The following GPR158 variants were observed in gnomAD, a reference collection of about 807,000 sequenced individuals.
GPR158 encodes metabotropic glycine receptor.
GPR158 carries 30 observed loss-of-function variants against 78.2 expected under a neutral mutation model. The observed-to-expected ratio is 0.38, with a 90% CI of 0.29 to 0.52. The LOEUF is 0.52. GPR158 is among the 20% of genes least tolerant of loss of function. The pLI is 0.83. For missense variants in GPR158, 1,463 were observed against 1,523.5 expected (o/e 0.96, Z 0.66); for synonymous variants, 581 against 591.1 (o/e 0.98, Z 0.25).
chr10:25,409,828 A>G (rs1242979020), intron 3 of GPR158, among the ~76,000 whole-genome samples: 1 of 152,174 alleles, frequency 6.6e-6, no homozygotes, highest in African/African-American at 2.4e-5. Context: ...GCTTTTTAAA[A>G]ATATCATAAT....
chr10:25,317,724 TTG>T (rs1299384243), intron 2 of GPR158, among the ~76,000 whole-genome samples: 1,720 of 140,536 alleles, frequency 0.012, 95 homozygotes, highest in African/African-American at 0.048. Context: ...GTGTTTTTTT[TTG>T]TTTTGTTTTG....
intron 2 of GPR158, among the ~76,000 whole-genome samples, chr10:25,318,827 A>T (rs1854902585): frequency 2.6e-5 from 4 of 152,210 alleles, no homozygotes; most frequent in Non-Finnish European, 1.5e-5. Context: ...AATCAGGTGC[A>T]GTTACTGTAA....
At chr10:25,521,478 G>C (rs930515130) in intron 5 of GPR158, among the ~76,000 whole-genome samples, 1 of 152,094 alleles carries the variant, frequency 6.6e-6, no homozygotes, top group Non-Finnish European at 1.5e-5. Flanking sequence ...ACCTTTGTCT[G>C]GTGCCTCCTT....
intron 2 of GPR158, among the ~76,000 whole-genome samples, chr10:25,241,877 C>A (rs1853633391): frequency 6.6e-6 from 1 of 152,202 alleles, no homozygotes; most frequent in Admixed American, 6.5e-5. Flanking sequence ...ACACTTTAAA[C>A]ACACTTTTCT....
At chr10:25,475,895 A>G (rs765611127) in intron 5 of GPR158, 14 of 152,116 alleles carry the variant, frequency 9.2e-5, no homozygotes, top group African/African-American at 1.7e-4. Context: ...GAGTTATGCA[A>G]TGAGCCTTTT....
chr10:25,374,965 C>G (rs1319644349), intron 2 of GPR158, among the ~76,000 whole-genome samples: 2 of 151,650 alleles, frequency 1.3e-5, no homozygotes, highest in Non-Finnish European at 3.0e-5. Flanking sequence ...TAAGCAATTT[C>G]CAAAGCATTT....
At chr10:25,249,371 G>T (rs1012243522) in intron 2 of GPR158, among the ~76,000 whole-genome samples, 1 of 152,146 alleles carries the variant, frequency 6.6e-6, no homozygotes, top group Non-Finnish European at 1.5e-5. Context: ...GGTGAGGGAG[G>T]GCATCCCTGT....
chr10:25,390,035 G>A (rs11014521), intron 2 of GPR158, among the ~76,000 whole-genome samples: 27 of 152,208 alleles, frequency 1.8e-4, no homozygotes, highest in African/African-American at 5.8e-4. Flanking sequence ...GTTCCTCTTC[G>A]CATGCTCTCT....
At chr10:25,464,447 C>T (rs529150811) in intron 4 of GPR158, among the ~76,000 whole-genome samples, 1 of 152,308 alleles carries the variant, frequency 6.6e-6, no homozygotes, top group South Asian at 2.1e-4. Flanking sequence ...TTTTCAAATT[C>T]ATCATCCTGG....
intron 7 of GPR158, among the ~76,000 whole-genome samples, chr10:25,587,814 C>T (rs1392674203): frequency 1.3e-5 from 2 of 152,184 alleles, no homozygotes; most frequent in South Asian, 2.1e-4. Flanking sequence ...GCCCTACCTA[C>T]CATTTAAATG....
rs11393897 is a variant in GPR158 at position 25,379,647 on chromosome 10, C to CTTTTTTT, written c.1009-16252_1009-16246dup. Among the ~76,000 whole-genome samples the CTTTTTTT allele has an allele frequency of 5.0e-4, 53 of 106,986 alleles. 2 individuals are homozygous for CTTTTTTT. The highest frequency in any genetic ancestry group is 1.2e-3 in the East Asian group (4 of 3,392). The allele number at this position is 106,986 out of a possible 152,430, so 70.2% of individuals were successfully genotyped here. A position where few individuals can be genotyped will look rare whatever the true frequency, so the allele number is the denominator to read the frequency against. On this transcript the variant is annotated intron_variant, in intron 2 of 10. Coordinates refer to ENST00000376351, the MANE Select transcript of GPR158 (RefSeq NM_020752.3). ...TTCAACAAATTTTTTTGAGGATTAG[C>CTTTTTTT]TTTTTTTTTTTTTTTTTTCTGTACT...
intron 2 of GPR158, among the ~76,000 whole-genome samples, chr10:25,262,710 A>G (rs139892541): frequency 3.3e-5 from 5 of 152,292 alleles, no homozygotes; most frequent in South Asian, 4.1e-4. Flanking sequence ...AATCAAACCT[A>G]TGTTGATACA....
chr10:25,247,711 A>G (rs1853717599), intron 2 of GPR158, among the ~76,000 whole-genome samples: 1 of 151,676 alleles, frequency 6.6e-6, no homozygotes, highest in African/African-American at 2.4e-5. Flanking sequence ...AATCCAGTCT[A>G]TTATTGTTGG....
chr10:25,422,104 C>A (rs1834759808), intron 4 of GPR158, among the ~76,000 whole-genome samples: 1 of 152,180 alleles, frequency 6.6e-6, no homozygotes, highest in African/African-American at 2.4e-5. Context: ...ACCATTCACC[C>A]ACCACCGACT....
chr10:25,188,575 G>A (rs1477463063), intron 1 of GPR158, among the ~76,000 whole-genome samples: 1 of 152,182 alleles, frequency 6.6e-6, no homozygotes, highest in African/African-American at 2.4e-5. Flanking sequence ...AAACTGGCTA[G>A]CCATACATAG....
chr10:25,207,138 A>G (rs1162588607), intron 1 of GPR158, among the ~76,000 whole-genome samples: 1 of 152,068 alleles, frequency 6.6e-6, no homozygotes, highest in Non-Finnish European at 1.5e-5. Context: ...ACATTACCTC[A>G]TCCCTTGAGG....
intron 2 of GPR158, among the ~76,000 whole-genome samples, chr10:25,224,471 AAAT>A (rs1419965705): frequency 2.4e-4 from 36 of 151,670 alleles, no homozygotes; most frequent in East Asian, 7.7e-4. Context: ...GATGAAGATG[AAAT>A]AATATTTTAA....
At chr10:25,474,626 T>C (rs1835555747) in intron 5 of GPR158, among the ~76,000 whole-genome samples, 1 of 152,204 alleles carries the variant, frequency 6.6e-6, no homozygotes, top group Non-Finnish European at 1.5e-5. Flanking sequence ...TTTGATAATG[T>C]CATTCTCTTG....
At chr10:25,484,861 G>A (rs1398708754) in intron 5 of GPR158, among the ~76,000 whole-genome samples, 1 of 152,116 alleles carries the variant, frequency 6.6e-6, no homozygotes, top group Non-Finnish European at 1.5e-5. Flanking sequence ...TCTAGAGCCT[G>A]ATTAGCAATT....
Sources: gnomAD v4.1 joint callset for allele counts (sites outside exome capture counted in the v4.1 genomes callset) on GRCh38, gnomAD v4.1.1 for gene constraint, MANE v1.5 for transcripts, NCBI Gene and HGNC (gene_info 2026-07-23, HGNC 2026-07-21) for gene names.